The following CCDC102B variants were observed in gnomAD, a reference collection of about 807,000 sequenced individuals.
CCDC102B encodes coiled-coil domain-containing protein 102B.
Under a neutral mutation model 57.4 loss-of-function variants are expected in CCDC102B, and 75 were observed. That is an observed-to-expected ratio of 1.31 (90% CI 1.08 to 1.58). The LOEUF is 1.58. CCDC102B is among the 40% of genes most tolerant of loss of function. The probability of loss-of-function intolerance (pLI) is 0.00; values close to 1 mark genes in which losing one functional copy is unlikely to be tolerated. For missense variants in CCDC102B, 636 were observed against 582.6 expected (o/e 1.09, Z -0.94); for synonymous variants, 206 against 201.9 (o/e 1.02, Z -0.17).
At chr18:68,979,766 GC>G (rs888453189) in intron 6 of CCDC102B, among the ~76,000 whole-genome samples, 2 of 151,948 alleles carry the variant, frequency 1.3e-5, no homozygotes, top group Non-Finnish European at 2.9e-5. Context: ...GATTGTGGTG[GC>G]CACTGCAGGT....
At chr18:69,056,636 A>AATAGATAGATAGATGGATAGATAG (rs1555678888), downstream of CCDC102B, among the ~76,000 whole-genome samples, 3,591 of 121,958 alleles carry the variant, frequency 0.029, 74 homozygotes, top group Non-Finnish European at 0.038. Context: ...ATAGATAGAT[A>AATAGATAGATAGATGGATAGATAG]ATAGATAGAT....
intron 6 of CCDC102B, chr18:68,908,250 T>G (rs1246695909): frequency 6.6e-6 from 1 of 152,220 alleles, no homozygotes; most frequent in Non-Finnish European, 1.5e-5. Context: ...TTTCCTTTCT[T>G]GTGCTGTCAT....
chr18:68,822,338 G>A (rs1599516135), intron 1 of CCDC102B, among the ~76,000 whole-genome samples: 1 of 151,482 alleles, frequency 6.6e-6, no homozygotes, highest in Non-Finnish European at 1.5e-5. Context: ...AGGTTGCAGT[G>A]AGCTGAGATT....
chr18:68,975,051 T>A lies in CCDC102B; in HGVS notation c.1264-35883T>A, dbSNP rs572981076. ...AATCCCAAGAATCGTAAGACTCACATCTCCCAACAGGCAAACAAATAGATG... is the reference window on the plus strand; with the variant it reads ...AATCCCAAGAATCGTAAGACTCACAACTCCCAACAGGCAAACAAATAGATG... On this transcript the variant is annotated intron_variant, in intron 6 of 7. Transcript: ENST00000360242. Among the ~76,000 whole-genome samples the A allele has an allele frequency of 5.9e-4, 89 of 151,984 alleles. 1 individual carries two copies. The Middle Eastern group carries it at 0.01, about 17-fold the overall frequency.
chr18:68,954,706 T>G (rs2049794419), intron 6 of CCDC102B, among the ~76,000 whole-genome samples: 1 of 152,202 alleles, frequency 6.6e-6, no homozygotes, highest in Admixed American at 6.5e-5. Flanking sequence ...GAATGGACTT[T>G]TAGAATTATT....
intron 2 of CCDC102B, among the ~76,000 whole-genome samples, chr18:68,771,467 C>T (rs1268935899): frequency 6.6e-6 from 1 of 152,144 alleles, no homozygotes; most frequent in Non-Finnish European, 1.5e-5. Flanking sequence ...GGGTTAGATA[C>T]TCACCTCTTC....
intron 6 of CCDC102B, among the ~76,000 whole-genome samples, chr18:68,933,771 T>G (rs1031021270): frequency 6.6e-6 from 1 of 151,888 alleles, no homozygotes; most frequent in Non-Finnish European, 1.5e-5. Flanking sequence ...ATAAATGTAA[T>G]TAGGATGATT....
chr18:68,969,805 G>A (rs1308057117), intron 6 of CCDC102B, among the ~76,000 whole-genome samples: 1 of 151,796 alleles, frequency 6.6e-6, no homozygotes, highest in African/African-American at 2.4e-5. Context: ...AGGACTTTTT[G>A]ATGATGAATT....
At chr18:68,987,024 T>C (rs998356244) in intron 6 of CCDC102B, among the ~76,000 whole-genome samples, 2 of 152,120 alleles carry the variant, frequency 1.3e-5, no homozygotes, top group Non-Finnish European at 2.9e-5. Context: ...TTCACAGTTA[T>C]TTGTCAAACT....
chr18:69,054,821 A>G lies in CCDC102B; in HGVS notation c.*684A>G. The G allele has an allele frequency of 1.0e-6, 1 of 985,344 alleles. No individual in the cohort carries two copies. Among genetic ancestry groups the G allele is most frequent in the Non-Finnish European group, 1.2e-6 (1 of 829,918 alleles). The allele number at this position is 985,344 out of a possible 1,614,324, so 61.0% of individuals were successfully genotyped here. ...GGATAGACATTTCTACAGTAAAATC[A>G]TGGAAAGGCATCAGCATTGCAAAGT... On this transcript the variant is annotated 3_prime_UTR_variant, in exon 8 of 8. Transcript: ENST00000360242.
intron 3 of CCDC102B, among the ~76,000 whole-genome samples, chr18:68,846,070 C>T (rs1450016022): frequency 6.6e-6 from 1 of 151,604 alleles, no homozygotes; most frequent in African/African-American, 2.4e-5. Context: ...AGCAGAATGT[C>T]AATACTGGCA....
At chr18:68,782,870 A>C (rs1435435565) in intron 2 of CCDC102B, among the ~76,000 whole-genome samples, 2 of 152,220 alleles carry the variant, frequency 1.3e-5, no homozygotes, top group Non-Finnish European at 2.9e-5. Context: ...CTGATTAATC[A>C]GCACCAAACA....
chr18:69,012,622 C>T (rs2051549081), intron 7 of CCDC102B, among the ~76,000 whole-genome samples: 2 of 151,860 alleles, frequency 1.3e-5, no homozygotes, highest in South Asian at 2.1e-4. Flanking sequence ...AGGGCTCTGG[C>T]GTGTTTCTTT....
At chr18:68,976,401 T>C (rs2050439181) in intron 6 of CCDC102B, among the ~76,000 whole-genome samples, 1 of 152,014 alleles carries the variant, frequency 6.6e-6, no homozygotes, top group African/African-American at 2.4e-5. Context: ...AGGAATATTT[T>C]AAAAACCAGT....
At chr18:68,857,122 T>A (rs1336087016) in intron 4 of CCDC102B, among the ~76,000 whole-genome samples, 1 of 50,934 alleles carries the variant, frequency 2.0e-5, no homozygotes, top group African/African-American at 7.7e-5. Flanking sequence ...TAAATATATT[T>A]ATATATTTTT....
downstream of CCDC102B, among the ~76,000 whole-genome samples, chr18:69,055,581 TG>T (rs146512027): frequency 0.033 from 5,035 of 152,134 alleles, 137 homozygotes; most frequent in East Asian, 0.15. Context: ...CAATCCCATA[TG>T]AGAACCAAAT....
intron 6 of CCDC102B, among the ~76,000 whole-genome samples, chr18:68,914,199 A>G (rs959248611): frequency 1.3e-5 from 2 of 152,198 alleles, no homozygotes; most frequent in African/African-American, 4.8e-5. Context: ...TGCAGTCACT[A>G]TGTAGAGTTT....
chr18:68,825,663 C>T (rs531685717), intron 1 of CCDC102B, among the ~76,000 whole-genome samples: 1 of 152,026 alleles, frequency 6.6e-6, no homozygotes, highest in African/African-American at 2.4e-5. Flanking sequence ...CTACTCCAGC[C>T]TAAGTAACAG....
chr18:68,852,995 C>T (rs985621557), intron 4 of CCDC102B, among the ~76,000 whole-genome samples: 6 of 152,018 alleles, frequency 3.9e-5, no homozygotes, highest in African/African-American at 7.2e-5. Flanking sequence ...GTGCAATTTT[C>T]GTAAGATAAT....
Sources: gnomAD v4.1 joint callset for allele counts (sites outside exome capture counted in the v4.1 genomes callset) on GRCh38, gnomAD v4.1.1 for gene constraint, MANE v1.5 for transcripts, NCBI Gene and HGNC (gene_info 2026-07-23, HGNC 2026-07-21) for gene names.